Variants in ZNF20 observed in about 807,000 individuals in gnomAD.
The protein encoded by ZNF20 is zinc finger protein 20, also known as zinc finger protein KOX13.
In ZNF20, 9 loss-of-function variants were observed where a neutral mutation model predicts 11.0. That is an observed-to-expected ratio of 0.82 (90% CI 0.49 to 1.43). The LOEUF (loss-of-function observed/expected upper bound fraction) is 1.43. ZNF20 is among the 40% of genes most tolerant of loss of function. The probability of loss-of-function intolerance (pLI) is 0.00; values close to 1 mark genes in which losing one functional copy is unlikely to be tolerated. For synonymous variants in ZNF20, 182 were observed against 213.0 expected (o/e 0.85, Z 1.27); for missense variants, 528 against 640.8 (o/e 0.82, Z 1.90).
rs1358140999 is a variant in ZNF20, at chr19:12,139,166, T to TA, written c.3+1013dup. Among the ~76,000 whole-genome samples, 1 of 152,156 alleles carries TA rather than the reference T, an allele frequency of 6.6e-6. No individual in the cohort carries two copies. Among genetic ancestry groups the TA allele is most frequent in the Non-Finnish European group, 1.5e-5 (1 of 68,024 alleles). On this transcript the variant is annotated intron_variant, in intron 1 of 3. Coordinates refer to ENST00000334213, the MANE Select transcript of ZNF20 (RefSeq NM_021143.4). The surrounding 1 kb of genome is among the most constrained non-coding windows in gnomAD (Gnocchi z 4.0). ...TTCAAACTTCAGCTATGAAAGGAAA[T>TA]ACCTACTCCATAGGGCGTAAGCCAA...
chr19:12,132,563 C>T lies in ZNF20; in HGVS notation c.*24G>A, dbSNP rs199840320. On this transcript the variant is annotated 3_prime_UTR_variant, in exon 4 of 4. Transcript: ENST00000334213. The stretch of plus-strand genomic sequence containing the variant: ...AAGTGGGACAACAGAAAGCTTCTCC[C>T]GTTGCTTCCACTAAAAGGATTTCTC... 2.3e-5 allele frequency: 35 copies of T among 1,539,726 alleles called. No homozygotes were observed. The African/African-American group carries it at 3.2e-4, about 14-fold the overall frequency.
chr19:12,140,293 T>G lies in ZNF20; in HGVS notation c.-111A>C, dbSNP rs1388510416. 7.1e-7 allele frequency: 1 copy of G among 1,410,266 alleles called. No individual in the cohort carries two copies. The highest frequency in any genetic ancestry group is 9.8e-7 in the Non-Finnish European group (1 of 1,018,230). The allele number at this position is 1,410,266 out of a possible 1,614,324, so 87.4% of individuals were successfully genotyped here. A position where few individuals can be genotyped will look rare whatever the true frequency, so the allele number is the denominator to read the frequency against. ...TTGTGGCAGAGGGACCCGGGGCCTC[T>G]CGGAGTAGGAAATCTGGTATCCCGA... On this transcript the variant is annotated 5_prime_UTR_variant, in exon 1 of 4. Transcript: ENST00000334213.
rs1472971223 is a variant in ZNF20 at position 12,132,123 on chromosome 19, A to G, written c.*464T>C. The G allele has an allele frequency of 6.4e-6, 1 of 157,466 alleles. No individual in the cohort carries two copies. Among genetic ancestry groups the G allele is most frequent in the Non-Finnish European group, 1.4e-5 (1 of 71,472 alleles). The allele number at this position is 157,466 out of a possible 1,614,324, so 9.8% of individuals were successfully genotyped here. A position where few individuals can be genotyped will look rare whatever the true frequency, so the allele number is the denominator to read the frequency against. ...TGGGCATCAGTGAGTATTTCCAGCC[A>G]TAACAACATTTATTAGTTCTCTGGT... On this transcript the variant is annotated 3_prime_UTR_variant, in exon 4 of 4. Transcript: ENST00000334213.
At chr19:12,140,151 G>A (rs757918279) in intron 1 of ZNF20, 29 bp downstream of exon 1, 7 of 1,594,250 alleles carry the variant, frequency 4.4e-6, no homozygotes, top group African/African-American at 4.0e-5. Flanking sequence ...CCCCTCCCCC[G>A]TCTGGGGACT....
intron 3 of ZNF20, among the ~76,000 whole-genome samples, chr19:12,134,886 G>T (rs576728963): frequency 1.2e-3 from 176 of 147,910 alleles, no homozygotes; most frequent in Non-Finnish European, 1.8e-3. Flanking sequence ...CTTTTTTTTT[G>T]AGTTGGGGTC....
chr19:12,133,785 T>C lies in ZNF20; in HGVS notation c.401A>G (p.Glu134Gly). ...IRADTGHKSS[E>G]YQEYGENPYR... is the part of the protein sequence containing the mutation. ...TGGATTCTCTCCATATTCCTGATAC[T>C]CAGATGACTTGTGTCCAGTGTCAGC... Residue 134 changes from glutamate to glycine, a missense_variant, in exon 4 of 4, where the codon GAG (glutamate) becomes GGG (glycine). Physicochemically the swap from Glu to Gly is moderately conservative, Grantham distance 98. Coordinates refer to ENST00000334213, the MANE Select transcript of ZNF20 (RefSeq NM_021143.4). 1.9e-6 allele frequency: 3 copies of C among 1,614,184 alleles called. No individual in the cohort carries two copies. The highest frequency in any genetic ancestry group is 2.5e-6 in the Non-Finnish European group (3 of 1,180,032).
In ZNF20 at chr19:12,132,700, G is replaced by A; in HGVS notation, c.1486C>T (p.His496Tyr). Residue 496 changes from histidine (H) to tyrosine (Y), a missense_variant, in exon 4 of 4, where the codon CAT (histidine) becomes TAT (tyrosine). Physicochemically the swap from His to Tyr is moderately conservative, Grantham distance 83. Coordinates refer to ENST00000334213, the MANE Select transcript of ZNF20 (RefSeq NM_021143.4). ...KAFISNYIRY[H>Y]ERTHTGEKPY... ...TTCTCTCCAGTGTGAGTCCTTTCAT[G>A]ATATCGAATGTAATTGGAAATAAAG... 6.2e-7 allele frequency: 1 copy of A among 1,614,052 alleles called. No homozygotes were observed. Among genetic ancestry groups the A allele is most frequent in the South Asian group, 1.1e-5 (1 of 91,072 alleles).
intron 3 of ZNF20, among the ~76,000 whole-genome samples, chr19:12,135,286 T>C (rs1346113854): frequency 1.3e-5 from 2 of 152,154 alleles, no homozygotes; most frequent in African/African-American, 2.4e-5. Flanking sequence ...ACTACAGGCA[T>C]GTGCCACCAC....
intron 1 of ZNF20, chr19:12,137,534 A>G (rs985592257): frequency 6.6e-6 from 1 of 152,564 alleles, no homozygotes; most frequent in Non-Finnish European, 1.5e-5. Context: ...CTGACTTCAC[A>G]GAACTAGCAC....
Position 12,132,544 on chromosome 19 carries a change from G to A in ZNF20, c.*43C>T. 4 of 1,521,050 alleles carry A rather than the reference G, an allele frequency of 2.6e-6. No homozygotes were observed. The highest frequency in any genetic ancestry group is 3.5e-6 in the Non-Finnish European group (4 of 1,136,972). 94.2% of individuals were successfully genotyped at this position (1,521,050 alleles called of 1,614,324 possible). A position where few individuals can be genotyped will look rare whatever the true frequency, so the allele number is the denominator to read the frequency against. On this transcript the variant is annotated 3_prime_UTR_variant, in exon 4 of 4. Coordinates refer to ENST00000334213, the MANE Select transcript of ZNF20 (RefSeq NM_021143.4). ...TTTTCTTGTGTTTCAAAGGAAGTGG[G>A]ACAACAGAAAGCTTCTCCCGTTGCT...
rs1031612286 is a variant in ZNF20 at position 12,139,328 on chromosome 19, C to A, written c.3+852G>T. ...GCCTTTGAGCCCCTGTGCTCAGCCC[C>A]GCTTGCACACTGTGGAGTGTTAAAT... On this transcript the variant is annotated intron_variant, in intron 1 of 3. Transcript: ENST00000334213. This position sits in a 1 kb window ranked among gnomAD's most constrained non-coding sequence, Gnocchi z 4.0. Among the ~76,000 whole-genome samples, 1 of 152,216 alleles carries A rather than the reference C, an allele frequency of 6.6e-6. No individual in the cohort carries two copies. The highest frequency in any genetic ancestry group is 1.5e-5 in the Non-Finnish European group (1 of 68,030).
At chr19:12,140,071 TCCCAGATCCAGGAGGCGCGGCGAGGAGG>T (rs1976775752) in intron 1 of ZNF20, 81 bp downstream of exon 1, 3 of 1,407,422 alleles carry the variant, frequency 2.1e-6, no homozygotes, top group Admixed American at 2.0e-5. Flanking sequence ...GGGATTCGGG[TCCCAGATCCAGGAGGCGCGGCGAGGAGG>T]CCCAGATCCC....
rs2145597762 is a variant in ZNF20 at position 12,133,743 on chromosome 19, C to T, written c.443G>A (p.Cys148Tyr). The T allele has an allele frequency of 6.2e-7, 1 of 1,614,190 alleles. No individual in the cohort carries two copies. Among genetic ancestry groups the T allele is most frequent in the East Asian group, 2.2e-5 (1 of 44,880 alleles). ...GTCAAGATAACTGAAGGCTTTCTTACATTCCTTATTTCTATATGGATTCTC... is the reference window on the plus strand; with the variant it reads ...GTCAAGATAACTGAAGGCTTTCTTATATTCCTTATTTCTATATGGATTCTC... ...YGENPYRNKECKKAFSYLDSF... is the reference protein window; with the variant it reads ...YGENPYRNKEYKKAFSYLDSF... Residue 148 changes from cysteine to tyrosine, a missense_variant, in exon 4 of 4, where the codon TGT becomes TAT. Transcript: ENST00000334213.
rs557758485 is a variant in ZNF20 at position 12,132,714 on chromosome 19, T to C, written c.1472A>G (p.Asn491Ser). 4 of 1,613,084 alleles carry C rather than the reference T, an allele frequency of 2.5e-6. No individual in the cohort carries two copies. The highest frequency in any genetic ancestry group is 3.4e-6 in the Non-Finnish European group (4 of 1,179,710). Residue 491 changes from asparagine to serine, a missense_variant, in exon 4 of 4, where the codon AAT becomes AGT. Coordinates refer to ENST00000334213, the MANE Select transcript of ZNF20 (RefSeq NM_021143.4). ...AGTCCTTTCATGATATCGAATGTAATTGGAAATAAAGGCCTTACCACAGTG... is the reference window on the plus strand; with the variant it reads ...AGTCCTTTCATGATATCGAATGTAACTGGAAATAAAGGCCTTACCACAGTG... ...CKHCGKAFIS[N>S]YIRYHERTHT...
rs190791057 is a variant in ZNF20 at position 12,135,487 on chromosome 19, G to A, written c.200+13C>T. 1,971 of 1,612,974 alleles carry A rather than the reference G, an allele frequency of 1.2e-3. 26 individuals carry two copies. The African/African-American group carries it at 0.023, about 19-fold the overall frequency. ...TTCTAGAGGCATTGCCTTGTCTTGC[G>A]AGAGAAAATTACCTTAGATTTCTCC... On this transcript the variant is annotated intron_variant, in intron 3 of 3. Transcript: ENST00000334213.
chr19:12,139,887 C>T lies in ZNF20; in HGVS notation c.3+293G>A, dbSNP rs1345394276. ...ATTCCCCCATGACCCTCCCGTGGTC[C>T]CCGCAAAATCTGAAGAGACGCGGGG... On this transcript the variant is annotated intron_variant, in intron 1 of 3. Transcript: ENST00000334213. This position sits in a 1 kb window ranked among gnomAD's most constrained non-coding sequence, Gnocchi z 4.0. Among the ~76,000 whole-genome samples the T allele has an allele frequency of 6.6e-6, 1 of 152,126 alleles. No individual in the cohort carries two copies. Among genetic ancestry groups the T allele is most frequent in the Non-Finnish European group, 1.5e-5 (1 of 67,990 alleles).
intron 1 of ZNF20, among the ~76,000 whole-genome samples, chr19:12,138,970 T>C (rs1167760036): frequency 6.6e-6 from 1 of 152,098 alleles, no homozygotes; most frequent in Non-Finnish European, 1.5e-5. Context: ...GACCCATACA[T>C]TAGGAAAATG....
chr19:12,139,169 C>G lies in ZNF20; in HGVS notation c.3+1011G>C, dbSNP rs73002444. Among the ~76,000 whole-genome samples, 24,627 of 152,252 alleles carry G rather than the reference C, an allele frequency of 0.16. 2,221 individuals carry two copies. The highest frequency in any genetic ancestry group is 0.23 in the African/African-American group (9,750 of 41,530). On this transcript the variant is annotated intron_variant, in intron 1 of 3. Coordinates refer to ENST00000334213, the MANE Select transcript of ZNF20 (RefSeq NM_021143.4). This position sits in a 1 kb window ranked among gnomAD's most constrained non-coding sequence, Gnocchi z 4.0. Reference sequence around the variant, plus strand: ...AAACTTCAGCTATGAAAGGAAATACCTACTCCATAGGGCGTAAGCCAAGTA... The same window carrying G: ...AAACTTCAGCTATGAAAGGAAATACGTACTCCATAGGGCGTAAGCCAAGTA...
At chr19:12,135,965 TAAG>T in intron 1 of ZNF20, 61 bp from the exon 2 acceptor site, 1 of 1,578,732 alleles carries the variant, frequency 6.3e-7, no homozygotes, top group Non-Finnish European at 8.6e-7. Flanking sequence ...ACTTTATTCC[TAAG>T]AAGTTCTCAT....
Sources: allele counts gnomAD v4.1 joint callset (sites outside exome capture counted in the v4.1 genomes callset), GRCh38; gene constraint gnomAD v4.1.1; non-coding constraint Gnocchi (gnomAD v3.1); transcripts MANE v1.5; gene names NCBI Gene and HGNC (gene_info 2026-07-23, HGNC 2026-07-21).